Variants in GRIK1 observed in about 807,000 individuals in gnomAD.
The protein encoded by GRIK1 is glutamate ionotropic receptor kainate type subunit 1, also known as glutamate receptor ionotropic, kainate 1.
Under a neutral mutation model 105.7 loss-of-function variants are expected in GRIK1, and 69 were observed. The observed-to-expected ratio is 0.65, with a 90% CI of 0.54 to 0.80. GRIK1 has a LOEUF of 0.80. Among genes scored for constraint, GRIK1 ranks in the 30% least tolerant of loss-of-function variants. GRIK1 has a pLI of 0.00. For synonymous variants in GRIK1, 438 were observed against 431.3 expected, an observed-to-expected ratio of 1.02 and a Z score of -0.19; for missense variants, 1,109 against 1,167.3, an observed-to-expected ratio of 0.95 and a Z score of 0.73.
At chr21:29,937,486 C>T (rs947449907) in intron 1 of GRIK1, among the ~76,000 whole-genome samples, 2 of 152,202 alleles carry the variant, frequency 1.3e-5, no homozygotes, top group African/African-American at 4.8e-5. Flanking sequence ...ACCTTGAAAA[C>T]TACTTTTACG....
intron 4 of GRIK1, 22 bp downstream of exon 4, chr21:29,672,961 A>G (rs1568958520): frequency 6.4e-7 from 1 of 1,556,238 alleles, no homozygotes; most frequent in Non-Finnish European, 8.8e-7. Context: ...CCACACCTCC[A>G]CCTCCTCCCT....
intron 1 of GRIK1, among the ~76,000 whole-genome samples, chr21:29,827,924 G>T (rs1466190067): frequency 6.6e-6 from 1 of 151,630 alleles, no homozygotes; most frequent in African/African-American, 2.4e-5. Context: ...GGCTTGAATT[G>T]GCTGGGCCAC....
chr21:29,561,790 G>T lies in GRIK1; in HGVS notation c.2190C>A (p.Thr730=). ...CCTCATCACTGTTTCTTACCAGGGC[G>T]GTCTGCTGCCTGCTGCTCATGAAAG... is the stretch of plus-strand genomic sequence containing the variant. ...MWAFMSSRQQ[T]ALVRNSDEGI... The change falls in exon 15 of 18, where the codon ACC becomes ACA. Residue 730 remains threonine (T), a synonymous_variant. Transcript: ENST00000327783. The T allele has an allele frequency of 1.9e-6, 3 of 1,613,934 alleles. No individual in the cohort carries two copies. Among genetic ancestry groups the T allele is most frequent in the Non-Finnish European group, 2.5e-6 (3 of 1,179,844 alleles).
chr21:29,680,705 A>G (rs543701598), intron 3 of GRIK1, among the ~76,000 whole-genome samples: 1 of 152,360 alleles, frequency 6.6e-6, no homozygotes, highest in African/African-American at 2.4e-5. Context: ...TCCACATGGG[A>G]CGTGAATCAT....
intron 4 of GRIK1, among the ~76,000 whole-genome samples, chr21:29,668,555 G>A (rs2063102951): frequency 6.6e-6 from 1 of 152,164 alleles, no homozygotes; most frequent in African/African-American, 2.4e-5. Flanking sequence ...TGCGGCCTTG[G>A]TGTTTTCTAT....
chr21:29,861,822 T>C (rs1178198221), intron 1 of GRIK1: 2 of 268,838 alleles, frequency 7.4e-6, no homozygotes, highest in Admixed American at 5.3e-5. Context: ...CATTTAATTA[T>C]GTTGTATAAT....
intron 1 of GRIK1, chr21:29,748,806 A>C (rs2284462): frequency 6.6e-6 from 1 of 152,214 alleles, no homozygotes; most frequent in African/African-American, 2.4e-5. Flanking sequence ...TCAACAAATT[A>C]ACACCCTTTT....
At chr21:29,828,013 G>C (rs201864678) in intron 1 of GRIK1, among the ~76,000 whole-genome samples, 3,093 of 58,344 alleles carry the variant, frequency 0.053, 81 homozygotes, top group African/African-American at 0.11. Context: ...GTCTCTCTCT[G>C]TGTGTGTGTG....
intron 1 of GRIK1, among the ~76,000 whole-genome samples, chr21:29,883,756 C>T (rs1481522674): frequency 1.3e-5 from 2 of 151,938 alleles, no homozygotes; most frequent in African/African-American, 4.8e-5. Context: ...TGTTTTTTCT[C>T]AAAGTCCACT....
At chr21:29,844,136 A>G (rs183757124) in intron 1 of GRIK1, among the ~76,000 whole-genome samples, 2 of 152,212 alleles carry the variant, frequency 1.3e-5, no homozygotes, top group Non-Finnish European at 1.5e-5. Flanking sequence ...TGTAATAGAT[A>G]TCTTTGTCAT....
chr21:29,600,352 T>G (rs1005353957), intron 7 of GRIK1, among the ~76,000 whole-genome samples: 1 of 152,194 alleles, frequency 6.6e-6, no homozygotes. Context: ...TAGTCTGCCT[T>G]TCACAGAACT....
chr21:29,557,260 T>G (rs1196192419), intron 15 of GRIK1, among the ~76,000 whole-genome samples: 1 of 152,208 alleles, frequency 6.6e-6, no homozygotes, highest in East Asian at 1.9e-4. Flanking sequence ...AAAGTTTTTC[T>G]TGGTGGAAGC....
chr21:29,561,539 G>T (rs2090479213), intron 15 of GRIK1, 85 bp downstream of exon 15: 17 of 828,210 alleles, frequency 2.1e-5, no homozygotes, highest in Non-Finnish European at 2.9e-5. Flanking sequence ...TCAGAATTTG[G>T]AATAAAGAAC....
At chr21:29,736,321 A>G (rs555705227) in intron 1 of GRIK1, among the ~76,000 whole-genome samples, 13 of 152,064 alleles carry the variant, frequency 8.5e-5, no homozygotes, top group African/African-American at 2.2e-4. Context: ...ACTGGACTCA[A>G]CTGGACTCAA....
intron 1 of GRIK1, among the ~76,000 whole-genome samples, chr21:29,817,666 G>T (rs1489969139): frequency 6.6e-6 from 1 of 152,076 alleles, no homozygotes; most frequent in African/African-American, 2.4e-5. Context: ...TAGGGGTCAT[G>T]TGGAAACCAA....
At chr21:29,606,258 A>T (rs557297543) in intron 7 of GRIK1, among the ~76,000 whole-genome samples, 18 of 152,138 alleles carry the variant, frequency 1.2e-4, no homozygotes, top group Non-Finnish European at 2.1e-4. Context: ...GTATTGACCT[A>T]TCGGACATTG....
Position 29,581,491 on chromosome 21 carries a change from C to A in GRIK1, c.1846G>T (p.Val616Leu), listed in dbSNP as rs1472288638. The A allele has an allele frequency of 6.2e-7, 1 of 1,613,172 alleles. No individual in the cohort carries two copies. Among genetic ancestry groups the A allele is most frequent in the African/African-American group, 1.3e-5 (1 of 74,898 alleles). ...AGTAAAGTAAAATTGTTTTCCACCACGTCTGAGTCAGGGTTGCATGGGTGG... is the reference window on the plus strand; with the variant it reads ...AGTAAAGTAAAATTGTTTTCCACCAAGTCTGAGTCAGGGTTGCATGGGTGG... ...NPHPCNPDSDVVENNFTLLNS... is the reference protein window; with the variant it reads ...NPHPCNPDSDLVENNFTLLNS... Residue 616 changes from valine to leucine, a missense_variant, in exon 13 of 18, where the codon GTG (valine) becomes TTG (leucine). By Grantham distance (32) the Val-to-Leu change is conservative. This residue lies in a region of GRIK1 where 264 missense variants were observed against 306.9 expected (regional missense o/e 0.86). Transcript: ENST00000327783.
At chr21:29,539,067 A>G (rs2089928685) in intron 16 of GRIK1, among the ~76,000 whole-genome samples, 1 of 152,028 alleles carries the variant, frequency 6.6e-6, no homozygotes, top group African/African-American at 2.4e-5. Context: ...ACAGAAACAT[A>G]AAAACTCATG....
At chr21:29,839,232 T>C (rs1189976848) in intron 1 of GRIK1, among the ~76,000 whole-genome samples, 1 of 151,974 alleles carries the variant, frequency 6.6e-6, no homozygotes, top group Non-Finnish European at 1.5e-5. Flanking sequence ...GTATTTCTAG[T>C]AGAGACAGGG....
Sources: allele counts gnomAD v4.1 joint callset (sites outside exome capture counted in the v4.1 genomes callset), GRCh38; gene constraint gnomAD v4.1.1; regional missense constraint gnomAD v4.1.1; transcripts MANE v1.5; gene names NCBI Gene and HGNC (gene_info 2026-07-23, HGNC 2026-07-21).